The following PSMD1 variants were observed in gnomAD, a reference collection of about 807,000 sequenced individuals.
PSMD1 encodes the protein proteasome 26S subunit, non-ATPase 1, also known as 26S proteasome non-ATPase regulatory subunit 1.
In PSMD1, 18 loss-of-function variants were observed where a neutral mutation model predicts 119.0. That is an observed-to-expected ratio of 0.15 (90% CI 0.10 to 0.22). The LOEUF is 0.22. Ranked by LOEUF, PSMD1 falls within the 10% of genes least tolerant of loss-of-function variation. The pLI is 1.00. For missense variants in PSMD1, 702 were observed against 1,158.5 expected (o/e 0.61, Z 5.72); for synonymous variants, 374 against 396.6 (o/e 0.94, Z 0.68).
At chr2:231,096,502 T>C (rs1694729659) in intron 16 of PSMD1, among the ~76,000 whole-genome samples, 1 of 152,146 alleles carries the variant, frequency 6.6e-6, no homozygotes, top group Admixed American at 6.5e-5. Flanking sequence ...GTTTAAGATT[T>C]CTCCCAACTG....
chr2:231,113,693 T>C (rs1185518758), intron 16 of PSMD1: 1 of 1,585,624 alleles, frequency 6.3e-7, no homozygotes, highest in Non-Finnish European at 8.7e-7. Flanking sequence ...ACCAAAGATT[T>C]TGTATACCAC....
intron 19 of PSMD1, among the ~76,000 whole-genome samples, chr2:231,159,936 A>G (rs755809173): frequency 1.3e-5 from 2 of 152,206 alleles, no homozygotes; most frequent in African/African-American, 4.8e-5. Flanking sequence ...TCACATTCCT[A>G]TGAGAATCTA....
intron 20 of PSMD1, among the ~76,000 whole-genome samples, chr2:231,161,886 C>T (rs912707080): frequency 6.6e-6 from 1 of 152,222 alleles, no homozygotes; most frequent in African/African-American, 2.4e-5. Flanking sequence ...AAAGATCTTT[C>T]TGGTATCAGT....
chr2:231,083,826 A>C (rs1694371170), intron 14 of PSMD1, 63 bp downstream of exon 14: 1 of 1,489,090 alleles, frequency 6.7e-7, no homozygotes. Flanking sequence ...ACTTAACTTC[A>C]CTGGAAATTA....
At chr2:231,143,755 A>G (rs1696186618) in intron 17 of PSMD1, among the ~76,000 whole-genome samples, 1 of 152,234 alleles carries the variant, frequency 6.6e-6, no homozygotes, top group Non-Finnish European at 1.5e-5. Context: ...AGGAGATGAT[A>G]TATATACAGT....
chr2:231,086,716 C>A (rs573432061), intron 15 of PSMD1, among the ~76,000 whole-genome samples: 1 of 152,242 alleles, frequency 6.6e-6, no homozygotes, highest in South Asian at 2.1e-4. Context: ...GCTGTGAAGA[C>A]TTCTAAGCCC....
chr2:231,065,762 C>T (rs891509653), intron 4 of PSMD1, among the ~76,000 whole-genome samples: 3 of 152,166 alleles, frequency 2.0e-5, no homozygotes, highest in Admixed American at 6.5e-5. Context: ...ATGTCACACC[C>T]TCCCCTCCAT....
Position 231,066,949 on chromosome 2 carries a change from A to C in PSMD1, c.348A>C (p.Ala116=), listed in dbSNP as rs1241858024. 2.5e-6 allele frequency: 4 copies of C among 1,612,580 alleles called. No individual in the cohort carries two copies. The highest frequency in any genetic ancestry group is 2.5e-6 in the Non-Finnish European group (3 of 1,179,430). ...DHYTKQCVEN[A]DLPEGEKKPI... ...ACACCAAACAATGTGTGGAAAATGC[A>C]GATTTGCCTGAAGGAGAAAAAAAAC... The change falls in exon 5 of 25, where the codon GCA becomes GCC. Residue 116 remains alanine, a synonymous_variant. Coordinates refer to ENST00000308696, the MANE Select transcript of PSMD1 (RefSeq NM_002807.4).
At chr2:231,060,020 A>G (rs927313285) in intron 1 of PSMD1, among the ~76,000 whole-genome samples, 1 of 152,260 alleles carries the variant, frequency 6.6e-6, no homozygotes, top group Non-Finnish European at 1.5e-5. Context: ...CCGTTCAAAT[A>G]CATTGACTGA....
chr2:231,108,318 G>C (rs989059920), intron 16 of PSMD1: 2 of 536,108 alleles, frequency 3.7e-6, no homozygotes, highest in Non-Finnish European at 3.3e-6. Flanking sequence ...GTTTTCATTT[G>C]TAGCTATATA....
chr2:231,087,343 C>G (rs115052717), intron 16 of PSMD1, among the ~76,000 whole-genome samples, 162 bp downstream of exon 16: 9 of 152,294 alleles, frequency 5.9e-5, no homozygotes, highest in Non-Finnish European at 1.0e-4. Context: ...GAGATTAGTA[C>G]TGTTCATCTG....
intron 19 of PSMD1, among the ~76,000 whole-genome samples, chr2:231,154,307 A>T (rs1255749997): frequency 1.4e-5 from 2 of 146,768 alleles, no homozygotes. Context: ...GGTGGCATGC[A>T]CCTGTAATCC....
chr2:231,074,357 C>G (rs985527320), intron 7 of PSMD1, among the ~76,000 whole-genome samples: 3 of 152,138 alleles, frequency 2.0e-5, no homozygotes, highest in African/African-American at 4.8e-5. Context: ...CCGCTTGCCT[C>G]AGCCTCCCAA....
Position 231,072,419 on chromosome 2 carries a change from T to C in PSMD1, c.881+4T>C, listed in dbSNP as rs1202303237. 3.8e-6 allele frequency: 6 copies of C among 1,589,908 alleles called. No homozygotes were observed. The highest frequency in any genetic ancestry group is 1.7e-6 in the Non-Finnish European group (2 of 1,158,748). ...TTCCGGGATCAGAGAAAGACAGGTA[T>C]AAGTACCTTTTTCTGCATCAAAACT... is the stretch of plus-strand genomic sequence containing the variant. On this transcript the variant is annotated splice_donor_region_variant and intron_variant, in intron 7 of 24. Coordinates refer to ENST00000308696, the MANE Select transcript of PSMD1 (RefSeq NM_002807.4).
chr2:231,078,610 A>AT, intron 9 of PSMD1, 49 bp from the exon 10 acceptor site: 1 of 1,429,128 alleles, frequency 7.0e-7, no homozygotes, highest in Non-Finnish European at 9.7e-7. Context: ...GGGTGTGCAT[A>AT]TATGAATACT....
At chr2:231,079,277 G>T (rs1383501705) in intron 10 of PSMD1, among the ~76,000 whole-genome samples, 1 of 152,034 alleles carries the variant, frequency 6.6e-6, no homozygotes, top group Non-Finnish European at 1.5e-5. Flanking sequence ...ATAGGCTCTT[G>T]AAGGAAATAT....
intron 16 of PSMD1, among the ~76,000 whole-genome samples, chr2:231,097,634 A>G (rs1453980280): frequency 6.6e-6 from 1 of 152,180 alleles, no homozygotes; most frequent in African/African-American, 2.4e-5. Context: ...TATACAGTCT[A>G]CATTTTTATT....
chr2:231,171,522 A>T (rs992903350), intron 24 of PSMD1, among the ~76,000 whole-genome samples: 1 of 144,666 alleles, frequency 6.9e-6, no homozygotes, highest in Non-Finnish European at 1.5e-5. Flanking sequence ...TCCTAATTCC[A>T]CCCAAGCACA....
intron 16 of PSMD1, among the ~76,000 whole-genome samples, chr2:231,110,269 G>A (rs769439395): frequency 5.9e-5 from 9 of 151,360 alleles, no homozygotes; most frequent in South Asian, 2.1e-4. Context: ...GCAGTGAGCC[G>A]AGATCACACC....
Sources: gnomAD v4.1 joint callset for allele counts (sites outside exome capture counted in the v4.1 genomes callset) on GRCh38, gnomAD v4.1.1 for gene constraint, MANE v1.5 for transcripts, NCBI Gene and HGNC (gene_info 2026-07-23, HGNC 2026-07-21) for gene names.